THSD7B: variants seen among roughly 807,000 people sequenced by gnomAD.
The protein encoded by THSD7B is thrombospondin type 1 domain containing 7B, also known as thrombospondin type-1 domain-containing protein 7B.
A neutral mutation model predicts 213.6 loss-of-function variants in THSD7B; 138 were observed. That is an observed-to-expected ratio of 0.65 (90% confidence interval 0.56 to 0.74). The LOEUF (loss-of-function observed/expected upper bound fraction) is 0.74. THSD7B is among the 30% of genes least tolerant of loss of function. THSD7B has a pLI of 0.00. For missense variants in THSD7B, 1,931 were observed against 1,991.5 expected (o/e 0.97, Z 0.58); for synonymous variants, 742 against 687.0 (o/e 1.08, Z -1.25).
At chr2:136,843,862 T>G (rs1363884759) in intron 1 of THSD7B, among the ~76,000 whole-genome samples, 1 of 152,188 alleles carries the variant, frequency 6.6e-6, no homozygotes, top group Non-Finnish European at 1.5e-5. Flanking sequence ...CTTGTTCTCC[T>G]AGGAACACAG....
rs1235744133 is a variant in THSD7B at position 137,575,742 on chromosome 2, A to ATATATATATATATATATATATATATT, written c.3423+3187_3423+3188insATATATATATATATATATATATATTT. Among the ~76,000 whole-genome samples the ATATATATATATATATATATATATATT allele has an allele frequency of 2.3e-3, 333 of 147,288 alleles. 1 individual carries two copies. Among genetic ancestry groups the ATATATATATATATATATATATATATT allele is most frequent in the South Asian group, 5.0e-3 (22 of 4,436 alleles). On this transcript the variant is annotated intron_variant, in intron 17 of 27. Transcript: ENST00000409968. ...ATAACACACATATATATATATATAT[A>ATATATATATATATATATATATATATT]TTTTTACTTTAACATGCTTACTTTT... is the stretch of plus-strand genomic sequence containing the variant.
intron 5 of THSD7B, among the ~76,000 whole-genome samples, chr2:137,134,538 C>T (rs1223334447): frequency 6.6e-6 from 1 of 152,132 alleles, no homozygotes. Context: ...TGCGCTGGCA[C>T]TCTAGGGGTG....
chr2:137,344,703 A>C (rs573986509), intron 12 of THSD7B, among the ~76,000 whole-genome samples: 1 of 151,730 alleles, frequency 6.6e-6, no homozygotes, highest in South Asian at 2.1e-4. Context: ...TGAACTCCTA[A>C]AACAAGGGTG....
chr2:136,867,760 T>C (rs1683367009), intron 1 of THSD7B, among the ~76,000 whole-genome samples: 1 of 152,190 alleles, frequency 6.6e-6, no homozygotes, highest in South Asian at 2.1e-4. Context: ...AAATGTAAAA[T>C]TTCCAGTGGT....
chr2:137,563,298 C>G lies in THSD7B; in HGVS notation c.3216C>G (p.Ile1072Met). 3 of 1,613,374 alleles carry G rather than the reference C, an allele frequency of 1.9e-6. No homozygotes were observed. The highest frequency in any genetic ancestry group is 2.5e-6 in the Non-Finnish European group (3 of 1,179,602). Residue 1072 changes from isoleucine (I) to methionine (M), a missense_variant, in exon 16 of 28, where the codon ATC (isoleucine) becomes ATG (methionine). By Grantham distance (10) the Ile-to-Met change is conservative. Transcript: ENST00000409968. The stretch of plus-strand genomic sequence containing the variant: ...TAGAACACTGGTCTTCATGCAAAAT[C>G]AACAATGAGCTGAGGTCCCTGCGCT... ...WVVEHWSSCKINNELRSLRCG... is the reference protein window; with the variant it reads ...WVVEHWSSCKMNNELRSLRCG...
At chr2:137,327,232 C>G (rs957855073) in intron 12 of THSD7B, among the ~76,000 whole-genome samples, 8 of 152,210 alleles carry the variant, frequency 5.3e-5, no homozygotes, top group African/African-American at 1.9e-4. Context: ...GCCTAGGCCA[C>G]TGCCAAGCCT....
intron 17 of THSD7B, among the ~76,000 whole-genome samples, chr2:137,603,012 G>A (rs1050528357): frequency 6.6e-6 from 1 of 152,094 alleles, no homozygotes; most frequent in South Asian, 2.1e-4. Context: ...TTTGTTTTTG[G>A]TGGTGCTTGA....
intron 26 of THSD7B, among the ~76,000 whole-genome samples, chr2:137,666,798 A>C (rs954957868): frequency 5.3e-5 from 8 of 152,144 alleles, no homozygotes; most frequent in Non-Finnish European, 8.8e-5. Context: ...AAGCATATAT[A>C]TATTTGTGAA....
intron 7 of THSD7B, among the ~76,000 whole-genome samples, chr2:137,183,232 C>T (rs1680488583): frequency 6.6e-6 from 1 of 152,084 alleles, no homozygotes; most frequent in African/African-American, 2.4e-5. Context: ...GGAAACAGTA[C>T]AGTGCGTTCC....
chr2:137,015,220 A>G (rs1343478707), intron 2 of THSD7B, among the ~76,000 whole-genome samples: 2 of 152,148 alleles, frequency 1.3e-5, no homozygotes, highest in Non-Finnish European at 2.9e-5. Flanking sequence ...TAACTAGAGG[A>G]CACGTGTCTC....
At chr2:136,839,675 G>C (rs533207854) in intron 1 of THSD7B, among the ~76,000 whole-genome samples, 3 of 152,262 alleles carry the variant, frequency 2.0e-5, no homozygotes, top group African/African-American at 7.2e-5. Context: ...AATGATCAAT[G>C]CCTCTCTTTA....
At chr2:137,529,336 A>G (rs1680337966) in intron 15 of THSD7B, among the ~76,000 whole-genome samples, 1 of 152,034 alleles carries the variant, frequency 6.6e-6, no homozygotes, top group African/African-American at 2.4e-5. Flanking sequence ...TACAAAGGCA[A>G]GGTAGAGATT....
At position 137,008,925 on chromosome 2, in the gene THSD7B, G is replaced by A. The variant is rs139594481; in HGVS notation, c.140-47495G>A. On this transcript the variant is annotated intron_variant, in intron 2 of 27. Coordinates refer to ENST00000409968, the MANE Select transcript of THSD7B (RefSeq NM_001316349.2). The stretch of plus-strand genomic sequence containing the variant: ...TATTATTTGAAACATCAGCTTGGTC[G>A]GTTCTATAAAGGTTGATATAAAAAT... 2.3e-3 allele frequency among the ~76,000 whole-genome samples: 353 copies of A among 152,148 alleles called. 3 individuals carry two copies. The highest frequency in any genetic ancestry group is 0.015 in the Admixed American group (227 of 15,288).
At chr2:137,314,050 G>A (rs1364031385) in intron 12 of THSD7B, among the ~76,000 whole-genome samples, 1 of 151,992 alleles carries the variant, frequency 6.6e-6, no homozygotes, top group East Asian at 1.9e-4. Flanking sequence ...CTGAATGTTG[G>A]CCTGCTTTGC....
At position 137,078,387 on chromosome 2, in the gene THSD7B, T is replaced by G. The variant is rs145256825; in HGVS notation, c.951-16486T>G. 6.1e-3 allele frequency among the ~76,000 whole-genome samples: 925 copies of G among 152,306 alleles called. 7 individuals are homozygous for G. The highest frequency in any genetic ancestry group is 0.017 in the African/African-American group (707 of 41,568). ...AGTAGAGTTTTTGCTTGACATGTGT[T>G]TTAATATGCACCCAGTTCCTCTAAA... is the stretch of plus-strand genomic sequence containing the variant. On this transcript the variant is annotated intron_variant, in intron 3 of 27. Coordinates refer to ENST00000409968, the MANE Select transcript of THSD7B (RefSeq NM_001316349.2).
chr2:136,983,358 G>GACACAGACACACACACACACACACAC (rs1685616871), intron 2 of THSD7B, among the ~76,000 whole-genome samples: 1 of 105,028 alleles, frequency 9.5e-6, no homozygotes, highest in Non-Finnish European at 2.2e-5. Flanking sequence ...CAGACACACA[G>GACACAGACACACACACACACACACAC]ACACACACAC....
chr2:137,078,413 T>G (rs1020745474), intron 3 of THSD7B, among the ~76,000 whole-genome samples: 5 of 152,216 alleles, frequency 3.3e-5, no homozygotes, highest in Non-Finnish European at 7.3e-5. Flanking sequence ...TTCCTCTAAA[T>G]TTTCAAATTC....
At chr2:137,595,372 G>A (rs1176838219) in intron 17 of THSD7B, among the ~76,000 whole-genome samples, 1 of 151,856 alleles carries the variant, frequency 6.6e-6, no homozygotes, top group Admixed American at 6.6e-5. Context: ...TGTTGTGGTG[G>A]GTTTCATAAG....
At position 137,469,118 on chromosome 2, in the gene THSD7B, T is replaced by C. The variant is rs553924822; in HGVS notation, c.3138+18095T>C. Among the ~76,000 whole-genome samples, 4 of 152,308 alleles carry C rather than the reference T, an allele frequency of 2.6e-5. No individual in the cohort carries two copies. In the East Asian group the frequency reaches 7.7e-4, roughly 29 times the overall value. On this transcript the variant is annotated intron_variant, in intron 15 of 27. Transcript: ENST00000409968. Reference sequence around the variant, plus strand: ...TTTGAATGTAAGACCTATCTGGATCTGTCTAGATTCTGGCTCCTCACCCTT... The same window carrying C: ...TTTGAATGTAAGACCTATCTGGATCCGTCTAGATTCTGGCTCCTCACCCTT...
Sources: gnomAD v4.1 joint callset for allele counts (sites outside exome capture counted in the v4.1 genomes callset) on GRCh38, gnomAD v4.1.1 for gene constraint, MANE v1.5 for transcripts, NCBI Gene and HGNC (gene_info 2026-07-23, HGNC 2026-07-21) for gene names.